The following DEPDC1B variants were observed in gnomAD, a reference collection of about 807,000 sequenced individuals.
DEPDC1B encodes DEP domain containing 1B.
In DEPDC1B, 51 loss-of-function variants were observed where a neutral mutation model predicts 66.5. The observed-to-expected ratio is 0.77, with a 90% CI of 0.61 to 0.97. The LOEUF (loss-of-function observed/expected upper bound fraction) is 0.97. Among genes scored for constraint, DEPDC1B ranks in the 50% least tolerant of loss-of-function variants. The pLI, the probability that DEPDC1B is intolerant of heterozygous loss-of-function variation, is 0.00. For synonymous variants in DEPDC1B, 226 were observed against 223.6 expected (o/e 1.01, Z -0.10); for missense variants, 552 against 637.1 (o/e 0.87, Z 1.44).
chr5:60,666,976 GCCACAAAAC>G (rs1198970197), intron 2 of DEPDC1B, among the ~76,000 whole-genome samples: 1 of 152,112 alleles, frequency 6.6e-6, no homozygotes, highest in African/African-American at 2.4e-5. Context: ...CTAAATGCTT[GCCACAAAAC>G]CCATGAGTAA....
At chr5:60,620,407 A>G (rs1457123683) in intron 7 of DEPDC1B, among the ~76,000 whole-genome samples, 2 of 152,222 alleles carry the variant, frequency 1.3e-5, no homozygotes, top group Non-Finnish European at 2.9e-5. Context: ...AAGGGCTAAT[A>G]TCCAGAATCT....
At chr5:60,618,859 C>G (rs1381936315) in intron 7 of DEPDC1B, among the ~76,000 whole-genome samples, 1 of 152,188 alleles carries the variant, frequency 6.6e-6, no homozygotes, top group South Asian at 2.1e-4. Context: ...ACACTAATAT[C>G]CCTGATGTAC....
chr5:60,690,067 A>C (rs1005061129), intron 1 of DEPDC1B, among the ~76,000 whole-genome samples: 1 of 152,162 alleles, frequency 6.6e-6, no homozygotes, highest in African/African-American at 2.4e-5. Flanking sequence ...AGAAAGATAA[A>C]AGTATTTACA....
chr5:60,655,331 T>C (rs1282479369), intron 2 of DEPDC1B, among the ~76,000 whole-genome samples: 2 of 148,982 alleles, frequency 1.3e-5, no homozygotes, highest in Admixed American at 6.6e-5. Flanking sequence ...TCAGAGTTTC[T>C]ATTTCTTCCT....
intron 7 of DEPDC1B, among the ~76,000 whole-genome samples, chr5:60,623,218 TC>T (rs1752745656): frequency 6.6e-6 from 1 of 152,152 alleles, no homozygotes; most frequent in Non-Finnish European, 1.5e-5. Context: ...ATCCAGTTGT[TC>T]CAACACTACC....
chr5:60,660,596 G>A (rs1210944930), intron 2 of DEPDC1B, among the ~76,000 whole-genome samples: 1 of 152,150 alleles, frequency 6.6e-6, no homozygotes, highest in Non-Finnish European at 1.5e-5. Context: ...CAACTGCTTT[G>A]CTAGCAGAAG....
At chr5:60,658,848 G>C (rs547503061) in intron 2 of DEPDC1B, among the ~76,000 whole-genome samples, 7 of 152,098 alleles carry the variant, frequency 4.6e-5, no homozygotes, top group Non-Finnish European at 7.4e-5. Context: ...GTTTGTTACG[G>C]CTCAAGCTGA....
chr5:60,635,820 A>G (rs1006295813), intron 7 of DEPDC1B, among the ~76,000 whole-genome samples: 3 of 152,174 alleles, frequency 2.0e-5, no homozygotes, highest in Non-Finnish European at 4.4e-5. Flanking sequence ...TGAATCTCCC[A>G]TTTCTTAAGG....
At chr5:60,624,726 TTTA>T (rs1473070448) in intron 7 of DEPDC1B, among the ~76,000 whole-genome samples, 2 of 152,110 alleles carry the variant, frequency 1.3e-5, no homozygotes, top group African/African-American at 2.4e-5. Flanking sequence ...TACATGTTAT[TTTA>T]TTATTATTAT....
chr5:60,675,959 C>T (rs1183281227), intron 2 of DEPDC1B, among the ~76,000 whole-genome samples: 1 of 147,550 alleles, frequency 6.8e-6, no homozygotes, highest in Non-Finnish European at 1.5e-5. Flanking sequence ...GGGAGTCTTG[C>T]TCTGTTGCCC....
chr5:60,656,607 A>G (rs1166669906), intron 2 of DEPDC1B, among the ~76,000 whole-genome samples: 1 of 152,220 alleles, frequency 6.6e-6, no homozygotes, highest in Non-Finnish European at 1.5e-5. Context: ...ATTAAATCAT[A>G]GTTCTGCATT....
At chr5:60,637,056 C>T (rs1289376380) in intron 7 of DEPDC1B, among the ~76,000 whole-genome samples, 1 of 152,130 alleles carries the variant, frequency 6.6e-6, no homozygotes, top group Non-Finnish European at 1.5e-5. Flanking sequence ...TACTATAGAA[C>T]ATTATAAAAA....
intron 1 of DEPDC1B, among the ~76,000 whole-genome samples, chr5:60,696,812 G>A (rs1195421261): frequency 6.7e-6 from 1 of 149,796 alleles, no homozygotes; most frequent in African/African-American, 2.5e-5. Context: ...TACACCTACT[G>A]CTGTGCATCC....
intron 2 of DEPDC1B, among the ~76,000 whole-genome samples, chr5:60,664,062 T>C (rs940864437): frequency 2.0e-5 from 3 of 152,224 alleles, no homozygotes; most frequent in African/African-American, 7.2e-5. Flanking sequence ...AGAAAGCCAA[T>C]ACCCATTTAG....
intron 7 of DEPDC1B, among the ~76,000 whole-genome samples, chr5:60,632,092 T>C (rs1016031391): frequency 2.0e-5 from 3 of 152,192 alleles, no homozygotes; most frequent in South Asian, 2.1e-4. Context: ...GTGGAACAAT[T>C]TGTCTATTTT....
chr5:60,601,348 A>C (rs1752196084), intron 9 of DEPDC1B, among the ~76,000 whole-genome samples: 1 of 152,266 alleles, frequency 6.6e-6, no homozygotes, highest in Non-Finnish European at 1.5e-5. Flanking sequence ...CTTTTCACCC[A>C]TGCAAGTGGC....
intron 2 of DEPDC1B, among the ~76,000 whole-genome samples, chr5:60,667,828 C>CATATATATAAAAAATGGATATTTTAT (rs1561384206): frequency 3.0e-4 from 15 of 50,086 alleles, no homozygotes; most frequent in South Asian, 4.6e-4. Context: ...GGATATTTTA[C>CATATATATAAAAAATGGATATTTTAT]ATATATGTAA....
At chr5:60,692,981 A>T (rs1052575635) in intron 1 of DEPDC1B, among the ~76,000 whole-genome samples, 3 of 152,186 alleles carry the variant, frequency 2.0e-5, no homozygotes, top group Non-Finnish European at 4.4e-5. Flanking sequence ...AGTTACCTTC[A>T]TAAGGAGGTA....
intron 1 of DEPDC1B, among the ~76,000 whole-genome samples, chr5:60,698,205 G>A (rs139316873): frequency 2.0e-5 from 3 of 152,316 alleles, no homozygotes; most frequent in East Asian, 3.9e-4. Flanking sequence ...TCATTCTGGT[G>A]TCTATACTGT....
Sources: allele counts gnomAD v4.1 joint callset (sites outside exome capture counted in the v4.1 genomes callset), GRCh38; gene constraint gnomAD v4.1.1; transcripts MANE v1.5; gene names NCBI Gene and HGNC (gene_info 2026-07-23, HGNC 2026-07-21).